The following MAP3K15 variants were observed in gnomAD, a reference collection of about 807,000 sequenced individuals.
The protein encoded by MAP3K15 is mitogen-activated protein kinase kinase kinase 15.
Under a neutral mutation model 99.5 loss-of-function variants are expected in MAP3K15, and 124 were observed. That is an observed-to-expected ratio of 1.25 (90% CI 1.08 to 1.45). MAP3K15 has a LOEUF of 1.45. Among genes scored for constraint, MAP3K15 ranks in the 40% most tolerant of loss-of-function variants. MAP3K15 has a pLI of 0.00. For synonymous variants in MAP3K15, 494 were observed against 439.6 expected, an observed-to-expected ratio of 1.12 and a Z score of -1.55; for missense variants, 1,242 against 1,079.7, an observed-to-expected ratio of 1.15 and a Z score of -2.11.
intron 18 of MAP3K15, among the ~76,000 whole-genome samples, chrX:19,382,183 G>A (rs1372693225): frequency 1.9e-5 from 2 of 103,319 alleles, no homozygotes; most frequent in Non-Finnish European, 3.9e-5. Flanking sequence ...AACCTGGCTC[G>A]CAGTGAGCTG....
chrX:19,361,812 G>T, intron 26 of MAP3K15: 1 of 333,231 alleles, frequency 3.0e-6, no homozygotes, highest in East Asian at 5.3e-5. Context: ...CAGTTAGTTT[G>T]GAATTTGACA....
At position 19,369,177 on chromosome X, in the gene MAP3K15, A is replaced by G. The variant is rs1602245400; in HGVS notation, c.3443T>C (p.Val1148Ala). 1 of 1,209,775 alleles carries G rather than the reference A, an allele frequency of 8.3e-7. No homozygotes were observed. The highest frequency in any genetic ancestry group is 1.1e-6 in the Non-Finnish European group (1 of 894,968). Residue 1148 changes from valine to alanine, a missense_variant, in exon 25 of 29, where the codon GTA (valine) becomes GCA (alanine). Coordinates refer to ENST00000338883, the MANE Select transcript of MAP3K15 (RefSeq NM_001001671.4). Reference protein sequence around the residue: ...HFEPTCETEGVDKDMDEAEEG... With the variant: ...HFEPTCETEGADKDMDEAEEG... Reference sequence around the variant, plus strand: ...TTCCGCTTCATCCATGTCCTTATCTACCCCTTCAGTCTCACAGGTAGGCTC... The same window carrying G: ...TTCCGCTTCATCCATGTCCTTATCTGCCCCTTCAGTCTCACAGGTAGGCTC...
intron 4 of MAP3K15, among the ~76,000 whole-genome samples, chrX:19,463,212 G>A (rs775995415): frequency 8.9e-6 from 1 of 112,102 alleles, no homozygotes. Flanking sequence ...ACATGTTTAG[G>A]TTTCTAATCT....
At chrX:19,388,444 G>A (rs753133801) in intron 18 of MAP3K15, among the ~76,000 whole-genome samples, 2 of 112,064 alleles carry the variant, frequency 1.8e-5, no homozygotes, top group South Asian at 3.7e-4. Flanking sequence ...GGTTCAACAC[G>A]TTAGTTACAC....
chrX:19,479,418 T>C (rs778851691), intron 3 of MAP3K15, among the ~76,000 whole-genome samples: 3 of 111,395 alleles, frequency 2.7e-5, no homozygotes, highest in Non-Finnish European at 5.7e-5. Context: ...TCATTGAGCC[T>C]GCATCTCAGC....
chrX:19,437,169 C>T lies in MAP3K15; in HGVS notation c.996-5561G>A, dbSNP rs1029512217. Reference sequence around the variant, plus strand: ...TCAAACTACATCTGAAATTGACCCACTCCTCATAAAGCCCACCCTTACCAC... The same window carrying T: ...TCAAACTACATCTGAAATTGACCCATTCCTCATAAAGCCCACCCTTACCAC... On this transcript the variant is annotated intron_variant, in intron 6 of 28. Transcript: ENST00000338883. Among the ~76,000 whole-genome samples the T allele has an allele frequency of 4.5e-5, 5 of 111,659 alleles. No individual in the cohort carries two copies. The Admixed American group carries it at 4.8e-4, about 11-fold the overall frequency.
At chrX:19,419,721 A>G (rs146053045) in intron 9 of MAP3K15, among the ~76,000 whole-genome samples, 15,748 of 111,146 alleles carry the variant, frequency 0.14, 1,975 homozygotes, top group African/African-American at 0.4. Flanking sequence ...TCCACCCCAA[A>G]TCAACAGAAT....
At chrX:19,502,667 A>T in intron 1 of MAP3K15, among the ~76,000 whole-genome samples, 1 of 111,205 alleles carries the variant, frequency 9.0e-6, no homozygotes, top group Non-Finnish European at 1.9e-5. Context: ...AAAAAATACA[A>T]AAATTAGCCA....
chrX:19,371,275 G>C (rs775471170), intron 23 of MAP3K15, 70 bp downstream of exon 23: 3 of 1,039,703 alleles, frequency 2.9e-6, no homozygotes, highest in East Asian at 6.1e-5. Context: ...AAGAGATGGG[G>C]GCTATGGGAG....
At chrX:19,420,466 A>C (rs767839219) in intron 9 of MAP3K15, among the ~76,000 whole-genome samples, 115 of 111,235 alleles carry the variant, frequency 1.0e-3, no homozygotes, top group African/African-American at 3.7e-3. Context: ...CGACACATAC[A>C]CCCTCCCAAG....
rs770517460 is a variant in MAP3K15 at position 19,403,015 on chromosome X, A to C, written c.1845-2352T>G. 3.1e-4 allele frequency among the ~76,000 whole-genome samples: 35 copies of C among 111,293 alleles called. No individual in the cohort carries two copies. The South Asian group carries it at 0.013, about 41-fold the overall frequency. ...GGTGAGAAACAAGGGTACAAACTAC[A>C]TGATTCTGTTTATTTGTAGGTCAAG... is the stretch of plus-strand genomic sequence containing the variant. On this transcript the variant is annotated intron_variant, in intron 13 of 28. Transcript: ENST00000338883.
Position 19,374,498 on chromosome X carries a change from G to A in MAP3K15, c.2752C>T (p.Arg918Ter), listed in dbSNP as rs754249644. 5 of 1,211,006 alleles carry A rather than the reference G, an allele frequency of 4.1e-6. No homozygotes were observed. The highest frequency in any genetic ancestry group is 2.2e-5 in the Admixed American group (1 of 45,985). The change falls in exon 20 of 29, where the codon CGA becomes TGA. Residue 918 changes from arginine (R) to a stop codon, truncating the protein, a stop_gained. Transcript: ENST00000338883. LOFTEE classifies it high-confidence loss of function. ...LRQVNKGKKN[R>*]IAFKPSEGPR... ...TCACCTGAGGGCTTGAAGGCAATTC[G>A]GTTCTTCTTGCCCTTGTTCACCTGC... is the stretch of plus-strand genomic sequence containing the variant.
intron 17 of MAP3K15, 112 bp downstream of exon 17, chrX:19,392,231 G>T: frequency 9.6e-7 from 1 of 1,041,814 alleles, no homozygotes; most frequent in Non-Finnish European, 1.3e-6. Context: ...TTTTGGGGAC[G>T]GTTGTGCTAA....
rs2063829677 is a variant in MAP3K15, at chrX:19,426,285, A to C, written c.1225T>G (p.Leu409Val). 8.5e-7 allele frequency: 1 copy of C among 1,173,407 alleles called. No homozygotes were observed. Among genetic ancestry groups the C allele is most frequent in the Non-Finnish European group, 1.1e-6 (1 of 880,873 alleles). The change falls in exon 8 of 29, where the codon TTG becomes GTG. Residue 409 changes from leucine (L) to valine (V), a missense_variant. Leu to Val is a conservative substitution (Grantham distance 32). Transcript: ENST00000338883. ...AATTGTTGTCCAGCAACAATCAGCA[A>C]AACTGCAAGATTAATTCCCGAATAG... Reference protein sequence around the residue: ...SLYSGINLAVLLIVAGQQFET... With the variant: ...SLYSGINLAVVLIVAGQQFET...
At chrX:19,473,045 T>C (rs2064218240) in intron 3 of MAP3K15, among the ~76,000 whole-genome samples, 1 of 111,966 alleles carries the variant, frequency 8.9e-6, no homozygotes, top group Non-Finnish European at 1.9e-5. Context: ...GAGGATCTGA[T>C]CCACGGAGCA....
At chrX:19,422,225 C>T (rs1183862622) in intron 9 of MAP3K15, among the ~76,000 whole-genome samples, 2 of 110,642 alleles carry the variant, frequency 1.8e-5, no homozygotes, top group East Asian at 2.8e-4. Flanking sequence ...AAAGAAACTA[C>T]CATCAGAGTG....
intron 1 of MAP3K15, among the ~76,000 whole-genome samples, chrX:19,508,426 T>C (rs949135969): frequency 8.9e-6 from 1 of 111,864 alleles, no homozygotes; most frequent in Non-Finnish European, 1.9e-5. Context: ...CCTACCTCAG[T>C]CTCCCGAAGT....
chrX:19,425,601 T>C lies in MAP3K15; in HGVS notation c.1369A>G (p.Met457Val), dbSNP rs140553102. 1.9e-3 allele frequency: 2,306 copies of C among 1,197,873 alleles called. 3 individuals are homozygous for C. Among genetic ancestry groups the C allele is most frequent in the Non-Finnish European group, 2.5e-3 (2,234 of 894,344 alleles). ...GCTTTCCCGACATCATGGGCCAGCA[T>C]GCTGACGCTGAAGAACTGACCCACA... ...WDVGQFFSVS[M>V]LAHDVGKAVQ... is the part of the protein sequence containing the mutation. Residue 457 changes from methionine (M) to valine (V), a missense_variant, in exon 9 of 29, where the codon ATG becomes GTG. Coordinates refer to ENST00000338883, the MANE Select transcript of MAP3K15 (RefSeq NM_001001671.4).
At position 19,414,530 on chromosome X, in the gene MAP3K15, C is replaced by T. The variant is rs773170332; in HGVS notation, c.1590+577G>A. Among the ~76,000 whole-genome samples the T allele has an allele frequency of 5.3e-5, 6 of 112,296 alleles. No individual in the cohort carries two copies. The South Asian group carries it at 1.1e-3, about 20-fold the overall frequency. On this transcript the variant is annotated intron_variant, in intron 10 of 28. Coordinates refer to ENST00000338883, the MANE Select transcript of MAP3K15 (RefSeq NM_001001671.4). ...ACATATTTCACTCATGACTCTAAGA[C>T]GGTCATAACATTAAAACAAAAACTC...
Sources: allele counts gnomAD v4.1 joint callset (sites outside exome capture counted in the v4.1 genomes callset), GRCh38; gene constraint gnomAD v4.1.1; transcripts MANE v1.5; gene names NCBI Gene and HGNC (gene_info 2026-07-23, HGNC 2026-07-21).